ERBB4: variants seen among roughly 807,000 people sequenced by gnomAD.
ERBB4 encodes erb-b2 receptor tyrosine kinase 4.
A neutral mutation model predicts 158.0 loss-of-function variants in ERBB4; 42 were observed. The observed-to-expected ratio is 0.27, with a 90% CI of 0.21 to 0.34. The LOEUF (loss-of-function observed/expected upper bound fraction) is 0.34. Among genes scored for constraint, ERBB4 ranks in the 10% least tolerant of loss-of-function variants. The pLI is 1.00. For synonymous variants in ERBB4, 583 were observed against 558.7 expected (o/e 1.04, Z -0.61); for missense variants, 1,333 against 1,624.1 (o/e 0.82, Z 3.08).
At chr2:211,573,600 G>A (rs1187934240) in intron 19 of ERBB4, among the ~76,000 whole-genome samples, 1 of 152,140 alleles carries the variant, frequency 6.6e-6, no homozygotes, top group Non-Finnish European at 1.5e-5. Flanking sequence ...AGCCCAGGAG[G>A]CGGAGCTTGC....
chr2:212,062,746 T>C (rs1406328855), intron 2 of ERBB4, among the ~76,000 whole-genome samples: 3 of 152,118 alleles, frequency 2.0e-5, no homozygotes, highest in Non-Finnish European at 4.4e-5. Context: ...TCAGATGGAA[T>C]CAATTGAGCT....
intron 1 of ERBB4, among the ~76,000 whole-genome samples, chr2:212,492,817 G>C (rs1264479763): frequency 1.3e-5 from 2 of 151,440 alleles, no homozygotes; most frequent in Admixed American, 6.6e-5. Flanking sequence ...GCAGAAAGAA[G>C]CTAAAAGTAC....
rs1171339808 is a variant in ERBB4 at position 211,828,482 on chromosome 2, A to G, written c.422-40323T>C. Among the ~76,000 whole-genome samples the G allele has an allele frequency of 5.9e-5, 9 of 152,268 alleles. No homozygotes were observed. The East Asian group carries it at 7.7e-4, about 13-fold the overall frequency. On this transcript the variant is annotated intron_variant, in intron 3 of 27. Transcript: ENST00000342788. ...CTAGAATTCTTCTAGGGTCATCACA[A>G]TGCTGCAGAGATGGACTCAAATCAG...
At chr2:212,249,993 G>A (rs1048468372) in intron 1 of ERBB4, among the ~76,000 whole-genome samples, 8 of 151,898 alleles carry the variant, frequency 5.3e-5, no homozygotes, top group African/African-American at 1.7e-4. Flanking sequence ...ACCTGATACC[G>A]TGTATATGTA....
rs138756896 is a variant in ERBB4, at chr2:211,823,193, G to C, written c.422-35034C>G. ...CATAATTGTTGTTCCAAGTCATTGAGTTTTATTAGGATGTTTTTGGATGAA... is the reference window on the plus strand; with the variant it reads ...CATAATTGTTGTTCCAAGTCATTGACTTTTATTAGGATGTTTTTGGATGAA... On this transcript the variant is annotated intron_variant, in intron 3 of 27. Coordinates refer to ENST00000342788, the MANE Select transcript of ERBB4 (RefSeq NM_005235.3). Among the ~76,000 whole-genome samples, 1,415 of 152,090 alleles carry C rather than the reference G, an allele frequency of 9.3e-3. 18 individuals are homozygous for C. Among genetic ancestry groups the C allele is most frequent in the African/African-American group, 0.032 (1,343 of 41,508 alleles).
intron 1 of ERBB4, among the ~76,000 whole-genome samples, chr2:212,483,468 G>A (rs1689811950): frequency 1.3e-5 from 2 of 152,136 alleles, no homozygotes; most frequent in Non-Finnish European, 2.9e-5. Flanking sequence ...CCTCATAAGT[G>A]CTAAGGACGC....
chr2:211,562,243 C>T (rs1017446941), intron 19 of ERBB4, among the ~76,000 whole-genome samples, 155 bp from the exon 20 acceptor site: 2 of 152,194 alleles, frequency 1.3e-5, no homozygotes, highest in Non-Finnish European at 2.9e-5. Context: ...GTTATTCTAT[C>T]TTTAAAGTGA....
At chr2:211,741,449 TTA>T (rs890899335) in intron 5 of ERBB4, among the ~76,000 whole-genome samples, 1 of 58,340 alleles carries the variant, frequency 1.7e-5, no homozygotes, top group Non-Finnish European at 3.4e-5. Flanking sequence ...ATATATGTAG[TTA>T]TACACACACA....
intron 2 of ERBB4, among the ~76,000 whole-genome samples, chr2:212,023,426 A>G (rs1268246224): frequency 6.6e-6 from 1 of 152,098 alleles, no homozygotes; most frequent in East Asian, 1.9e-4. Context: ...TGCACTAGCC[A>G]ACAAGCTTTA....
chr2:212,093,523 G>A (rs1048041868), intron 2 of ERBB4, among the ~76,000 whole-genome samples: 2 of 152,134 alleles, frequency 1.3e-5, no homozygotes, highest in African/African-American at 4.8e-5. Context: ...GAATTACAAT[G>A]ATGAGGAGGA....
intron 19 of ERBB4, among the ~76,000 whole-genome samples, chr2:211,609,120 T>C (rs185233910): frequency 2.8e-4 from 42 of 152,170 alleles, no homozygotes; most frequent in Admixed American, 2.8e-3. Flanking sequence ...CTCCTGTCGC[T>C]CAGTCCCATT....
At chr2:212,095,281 T>A (rs1448567303) in intron 2 of ERBB4, among the ~76,000 whole-genome samples, 2 of 152,210 alleles carry the variant, frequency 1.3e-5, no homozygotes, top group African/African-American at 4.8e-5. Context: ...TTCCCCCACT[T>A]ATTAAATTGA....
intron 1 of ERBB4, among the ~76,000 whole-genome samples, chr2:212,480,555 G>A (rs1689640233): frequency 6.6e-6 from 1 of 152,196 alleles, no homozygotes; most frequent in South Asian, 2.1e-4. Flanking sequence ...TTCAAAGATA[G>A]TGCCTCCTTA....
At chr2:212,163,888 G>T (rs930425403) in intron 1 of ERBB4, among the ~76,000 whole-genome samples, 3 of 152,004 alleles carry the variant, frequency 2.0e-5, no homozygotes, top group Non-Finnish European at 2.9e-5. Context: ...AACCTCCTGG[G>T]TTCAAGCAAT....
Position 212,351,151 on chromosome 2 carries a change from G to C in ERBB4, c.82+187298C>G, listed in dbSNP as rs556478354. Among the ~76,000 whole-genome samples the C allele has an allele frequency of 1.3e-3, 205 of 152,218 alleles. 2 individuals carry two copies. The highest frequency in any genetic ancestry group is 4.7e-3 in the African/African-American group (195 of 41,562). ...GGTTAAAATGAGGCCATTAGGGTGG[G>C]TCCTAATCAAACCTGACAGGTGTCC... On this transcript the variant is annotated intron_variant, in intron 1 of 27. Coordinates refer to ENST00000342788, the MANE Select transcript of ERBB4 (RefSeq NM_005235.3).
rs191466284 is a variant in ERBB4, at chr2:211,388,021, A to G, written c.3136-29T>C. 6.5e-5 allele frequency: 98 copies of G among 1,507,054 alleles called. No homozygotes were observed. In the African/African-American group the frequency reaches 1.2e-3, roughly 18 times the overall value. 93.4% of individuals were successfully genotyped at this position (1,507,054 alleles called of 1,614,324 possible). On this transcript the variant is annotated intron_variant, in intron 25 of 27. Coordinates refer to ENST00000342788, the MANE Select transcript of ERBB4 (RefSeq NM_005235.3). ...ATAGGAAAGAAAAATGGAATGATGG[A>G]TATAATAAGAGGCAATATGAATGAA...
chr2:211,924,710 T>C (rs1192169956), intron 3 of ERBB4, among the ~76,000 whole-genome samples: 1 of 152,172 alleles, frequency 6.6e-6, no homozygotes, highest in Admixed American at 6.5e-5. Context: ...AATAAGTTGG[T>C]AGTATTTCTT....
In ERBB4 at chr2:212,537,661, G is replaced by C. The variant is rs548688567; in HGVS notation, c.82+788C>G. 9.9e-5 allele frequency among the ~76,000 whole-genome samples: 15 copies of C among 152,090 alleles called. No individual in the cohort carries two copies. In the South Asian group the frequency reaches 2.3e-3, roughly 23 times the overall value. The stretch of plus-strand genomic sequence containing the variant: ...CAAGTTTGAAGGACTCCGGCCAATA[G>C]CAAGTTGAACTACAGGAAGAACTCT... On this transcript the variant is annotated intron_variant, in intron 1 of 27. Coordinates refer to ENST00000342788, the MANE Select transcript of ERBB4 (RefSeq NM_005235.3).
intron 1 of ERBB4, among the ~76,000 whole-genome samples, chr2:212,322,861 G>C (rs542575315): frequency 2.0e-5 from 3 of 150,032 alleles, no homozygotes; most frequent in South Asian, 4.3e-4. Flanking sequence ...CCAGAATAGT[G>C]TTTCATTTTA....
Sources: allele counts gnomAD v4.1 joint callset (sites outside exome capture counted in the v4.1 genomes callset), GRCh38; gene constraint gnomAD v4.1.1; transcripts MANE v1.5; gene names NCBI Gene and HGNC (gene_info 2026-07-23, HGNC 2026-07-21).